The following DOCK7 variants were observed in gnomAD, a reference collection of about 807,000 sequenced individuals.
DOCK7 encodes dedicator of cytokinesis protein 7.
Under a neutral mutation model 271.0 loss-of-function variants are expected in DOCK7, and 138 were observed. The observed-to-expected ratio is 0.51, with a 90% CI of 0.44 to 0.59. The LOEUF (loss-of-function observed/expected upper bound fraction) is 0.59, where lower values mean the gene tolerates loss of function less well. Ranked by LOEUF, DOCK7 falls within the 20% of genes least tolerant of loss-of-function variation. DOCK7 has a pLI of 0.00. For synonymous variants in DOCK7, 823 were observed against 876.1 expected, an observed-to-expected ratio of 0.94 and a Z score of 1.07; for missense variants, 2,066 against 2,592.4, an observed-to-expected ratio of 0.80 and a Z score of 4.41.
At chr1:62,618,558 T>C in intron 14 of DOCK7, 148 bp downstream of exon 14, 1 of 669,130 alleles carries the variant, frequency 1.5e-6, no homozygotes, top group South Asian at 2.0e-5. Context: ...CCTTAATACG[T>C]GAAAACTATT....
intron 1 of DOCK7, among the ~76,000 whole-genome samples, chr1:62,681,052 T>C (rs1661066469): frequency 1.3e-5 from 2 of 152,070 alleles, no homozygotes. Flanking sequence ...CCCAAAGGAT[T>C]ATAAATCATT....
At chr1:62,619,633 G>A (rs191176091) in intron 13 of DOCK7, among the ~76,000 whole-genome samples, 2 of 151,964 alleles carry the variant, frequency 1.3e-5, no homozygotes, top group Admixed American at 1.3e-4. Context: ...TTTTCACATC[G>A]TGGTTGACTA....
At chr1:62,514,430 G>T (rs1381849591) in intron 31 of DOCK7, among the ~76,000 whole-genome samples, 1 of 151,988 alleles carries the variant, frequency 6.6e-6, no homozygotes, top group Non-Finnish European at 1.5e-5. Context: ...AGCATATAAG[G>T]TTGAAATGCT....
chr1:62,595,184 A>G (rs1649047599), intron 14 of DOCK7, among the ~76,000 whole-genome samples: 1 of 152,176 alleles, frequency 6.6e-6, no homozygotes, highest in African/African-American at 2.4e-5. Context: ...AATCTAGACT[A>G]TAACAAAATT....
At position 62,577,396 on chromosome 1, in the gene DOCK7, A is replaced by C. The variant is rs369535347; in HGVS notation, c.2011-33T>G. Reference sequence around the variant, plus strand: ...ATGAAAAGAAAACAATTTTATTTTAAATATGCTTGCTATAAAAATAATTAC... The same window carrying C: ...ATGAAAAGAAAACAATTTTATTTTACATATGCTTGCTATAAAAATAATTAC... On this transcript the variant is annotated intron_variant, in intron 17 of 49. Coordinates refer to ENST00000635253, the MANE Select transcript of DOCK7 (RefSeq NM_001367561.1). 6.9e-5 allele frequency: 103 copies of C among 1,496,656 alleles called. 1 individual carries two copies. In the African/African-American group the frequency reaches 1.3e-3, roughly 19 times the overall value. The allele number at this position is 1,496,656 out of a possible 1,614,324, so 92.7% of individuals were successfully genotyped here. A position where few individuals can be genotyped will look rare whatever the true frequency, so the allele number is the denominator to read the frequency against.
At chr1:62,603,872 A>C in intron 14 of DOCK7, 1 of 1,171,458 alleles carries the variant, frequency 8.5e-7, no homozygotes, top group African/African-American at 1.5e-5. Context: ...AAGACTAAAC[A>C]ACTCAATTAG....
At chr1:62,500,082 G>T (rs754736783) in intron 37 of DOCK7, among the ~76,000 whole-genome samples, 7 of 152,092 alleles carry the variant, frequency 4.6e-5, no homozygotes, top group Non-Finnish European at 1.0e-4. Flanking sequence ...AAATGCTTGG[G>T]CCAAGATAAC....
intron 15 of DOCK7, among the ~76,000 whole-genome samples, chr1:62,585,663 C>T (rs765297103): frequency 1.3e-4 from 20 of 152,114 alleles, no homozygotes; most frequent in Non-Finnish European, 1.8e-4. Context: ...GCTTTCCTTT[C>T]CCTGCTCTCC....
At chr1:62,462,799 C>T (rs535910149) in intron 48 of DOCK7, among the ~76,000 whole-genome samples, 1 of 151,736 alleles carries the variant, frequency 6.6e-6, no homozygotes, top group Non-Finnish European at 1.5e-5. Context: ...TAGGGTCTCA[C>T]TACGTAGACT....
At position 62,474,136 on chromosome 1, in the gene DOCK7, T is replaced by C. The variant is rs2149256770; in HGVS notation, c.6106-48A>G. 3 of 1,483,654 alleles carry C rather than the reference T, an allele frequency of 2.0e-6. No homozygotes were observed. The East Asian group carries it at 6.8e-5, about 34-fold the overall frequency. 91.9% of individuals were successfully genotyped at this position (1,483,654 alleles called of 1,614,324 possible). On this transcript the variant is annotated intron_variant, in intron 47 of 49. Transcript: ENST00000635253. Reference sequence around the variant, plus strand: ...GTGTGTTTTTTTGTTATCTCTAAAATCACAGAGACAGAATTTACTCAAATG... The same window carrying C: ...GTGTGTTTTTTTGTTATCTCTAAAACCACAGAGACAGAATTTACTCAAATG...
At chr1:62,583,932 A>G (rs982688942) in intron 15 of DOCK7, among the ~76,000 whole-genome samples, 5 of 152,192 alleles carry the variant, frequency 3.3e-5, no homozygotes, top group African/African-American at 1.2e-4. Flanking sequence ...CGTTAATCAG[A>G]GCAGCTGATT....
At chr1:62,566,277 C>T (rs914529447) in intron 18 of DOCK7, among the ~76,000 whole-genome samples, 1 of 152,158 alleles carries the variant, frequency 6.6e-6, no homozygotes, top group Non-Finnish European at 1.5e-5. Context: ...GGAGGCATCA[C>T]ACTACCTGAC....
At chr1:62,605,207 A>T in intron 14 of DOCK7, 1 of 192,120 alleles carries the variant, frequency 5.2e-6, no homozygotes, top group Admixed American at 5.4e-5. Flanking sequence ...ACTCTTGTTA[A>T]AACTCTAAAC....
At chr1:62,538,151 A>T (rs1336120616) in intron 27 of DOCK7, 90 bp from the exon 28 acceptor site, 1 of 1,375,984 alleles carries the variant, frequency 7.3e-7, no homozygotes, top group East Asian at 2.4e-5. Context: ...AATTAAAGAG[A>T]TAGTACTTGG....
chr1:62,529,432 T>C lies in DOCK7; in HGVS notation c.3626A>G (p.His1209Arg), dbSNP rs776656811. 1.7e-5 allele frequency: 27 copies of C among 1,610,170 alleles called. No individual in the cohort carries two copies. The highest frequency in any genetic ancestry group is 6.8e-5 in the Admixed American group (4 of 58,818). ...GTGTACCATATTGATGACTTTCTTA[T>C]GCAATCCAAACAGTCTATTTAAAAA... ...DPDAEGLFGL[H>R]KKVINMVHNL... Residue 1209 changes from histidine to arginine, a missense_variant, in exon 30 of 50, where the codon CAT becomes CGT. Physicochemically the swap from His to Arg is conservative, Grantham distance 29. This residue lies in a region of DOCK7 where 1,414 missense variants were observed against 1,670.4 expected (regional missense o/e 0.85). Coordinates refer to ENST00000635253, the MANE Select transcript of DOCK7 (RefSeq NM_001367561.1).
chr1:62,484,314 T>C (rs1247002627), intron 43 of DOCK7: 3 of 152,208 alleles, frequency 2.0e-5, no homozygotes, highest in Non-Finnish European at 2.9e-5. Flanking sequence ...ATGTAAGATA[T>C]ACTTTACTAG....
Position 62,455,238 on chromosome 1 carries a change from C to A in DOCK7, c.*176G>T. The A allele has an allele frequency of 2.7e-6, 2 of 738,638 alleles. No individual in the cohort carries two copies. Among genetic ancestry groups the A allele is most frequent in the South Asian group, 1.5e-5 (1 of 66,338 alleles). The allele number at this position is 738,638 out of a possible 1,614,324, so 45.8% of individuals were successfully genotyped here. A position where few individuals can be genotyped will look rare whatever the true frequency, so the allele number is the denominator to read the frequency against. On this transcript the variant is annotated 3_prime_UTR_variant, in exon 50 of 50. Transcript: ENST00000635253. ...CAGCTTGTTACCAGAACATTAGAAA[C>A]CATAGCCATGATTCTCAAGCGTTAA...
At chr1:62,639,426 C>CTTTTTTTTTTTTTTTTTTTTTTTTT (rs386367151) in intron 7 of DOCK7, among the ~76,000 whole-genome samples, 2 of 75,864 alleles carry the variant, frequency 2.6e-5, no homozygotes, top group African/African-American at 1.2e-4. Flanking sequence ...TTGTAATACT[C>CTTTTTTTTTTTTTTTTTTTTTTTTT]TTTTTTTTTT....
intron 48 of DOCK7, chr1:62,459,091 T>C (rs1051072749): frequency 1.3e-5 from 2 of 152,034 alleles, no homozygotes; most frequent in African/African-American, 2.4e-5. Context: ...GTATCAAAAA[T>C]TGCAAAAGTT....
Sources: allele counts gnomAD v4.1 joint callset (sites outside exome capture counted in the v4.1 genomes callset), GRCh38; gene constraint gnomAD v4.1.1; regional missense constraint gnomAD v4.1.1; transcripts MANE v1.5; gene names NCBI Gene and HGNC (gene_info 2026-07-23, HGNC 2026-07-21).